TBC1D14: variants seen among roughly 807,000 people sequenced by gnomAD.
TBC1D14 encodes the protein TBC1 domain family, member 14.
Under a neutral mutation model 79.0 loss-of-function variants are expected in TBC1D14, and 26 were observed. The ratio of observed to expected loss-of-function variants is 0.33; its 90% CI spans 0.24 to 0.46. TBC1D14 has a LOEUF of 0.46. Among genes scored for constraint, TBC1D14 ranks in the 20% least tolerant of loss-of-function variants. The probability of loss-of-function intolerance (pLI) is 1.00; values close to 1 mark genes in which losing one functional copy is unlikely to be tolerated. For missense variants in TBC1D14, 769 were observed against 887.6 expected (o/e 0.87, Z 1.70); for synonymous variants, 394 against 349.9 (o/e 1.13, Z -1.40).
At chr4:6,945,367 A>G (rs1156294341) in intron 2 of TBC1D14, among the ~76,000 whole-genome samples, 1 of 152,122 alleles carries the variant, frequency 6.6e-6, no homozygotes, top group Non-Finnish European at 1.5e-5. Flanking sequence ...GAGTGAGTAG[A>G]AATGTTGGCG....
intron 3 of TBC1D14, among the ~76,000 whole-genome samples, chr4:6,987,782 A>G (rs763211172): frequency 2.0e-5 from 3 of 152,296 alleles, no homozygotes; most frequent in Admixed American, 6.5e-5. Flanking sequence ...CTAGAGCCCA[A>G]TGAGGTGGTC....
intron 3 of TBC1D14, chr4:6,987,264 G>T: frequency 7.7e-7 from 1 of 1,299,548 alleles, no homozygotes. Flanking sequence ...CCCGCCCGCG[G>T]TCCGGGAGGG....
At chr4:7,007,685 C>T (rs919093016) in intron 9 of TBC1D14, 2 of 1,091,254 alleles carry the variant, frequency 1.8e-6, no homozygotes, top group African/African-American at 3.3e-5. Flanking sequence ...TAGCTGGGAG[C>T]CTGTTTCCTG....
intron 2 of TBC1D14, among the ~76,000 whole-genome samples, chr4:6,955,242 A>G (rs1714515822): frequency 6.6e-6 from 1 of 152,180 alleles, no homozygotes; most frequent in Non-Finnish European, 1.5e-5. Context: ...TGGGGGGTGG[A>G]GATCTGGAAA....
intron 3 of TBC1D14, 125 bp downstream of exon 3, chr4:6,967,549 G>C: frequency 8.0e-7 from 1 of 1,248,278 alleles, no homozygotes; most frequent in Non-Finnish European, 1.1e-6. Flanking sequence ...TGCATACCAC[G>C]TTCCTCAGAT....
chr4:7,028,016 AC>A (rs1239862632), intron 13 of TBC1D14, among the ~76,000 whole-genome samples: 1 of 114,032 alleles, frequency 8.8e-6, no homozygotes, highest in Non-Finnish European at 1.7e-5. Context: ...CCCCACACAC[AC>A]CCACACATAC....
Position 7,004,930 on chromosome 4 carries a change from A to G in TBC1D14, c.1351+6A>G, listed in dbSNP as rs1720026183. On this transcript the variant is annotated splice_donor_region_variant and intron_variant, in intron 8 of 13. Coordinates refer to ENST00000409757, the MANE Select transcript of TBC1D14 (RefSeq NM_020773.3). ...CTCTGAAGTGGAGAACGAAGGTAGA[A>G]TGTCTTCTAAAACCAGCGGACTGCT... is the stretch of plus-strand genomic sequence containing the variant. 6.2e-7 allele frequency: 1 copy of G among 1,613,796 alleles called. No homozygotes were observed. The highest frequency in any genetic ancestry group is 1.1e-5 in the South Asian group (1 of 91,066).
chr4:6,969,922 C>T (rs1388591486), intron 3 of TBC1D14, among the ~76,000 whole-genome samples: 1 of 152,162 alleles, frequency 6.6e-6, no homozygotes, highest in East Asian at 1.9e-4. Context: ...GTCTCTGGCC[C>T]TCTCATCGCT....
intron 2 of TBC1D14, among the ~76,000 whole-genome samples, chr4:6,952,519 G>A (rs1252260088): frequency 2.0e-5 from 3 of 152,204 alleles, no homozygotes; most frequent in African/African-American, 2.4e-5. Context: ...TGATTGTCCA[G>A]GGTTTTTTAA....
At chr4:6,956,232 G>A (rs974121754) in intron 2 of TBC1D14, among the ~76,000 whole-genome samples, 5 of 152,130 alleles carry the variant, frequency 3.3e-5, no homozygotes, top group African/African-American at 1.2e-4. Context: ...CTGCGCCTGC[G>A]AACAGATGAT....
chr4:6,932,118 G>A (rs555484896), intron 2 of TBC1D14, among the ~76,000 whole-genome samples: 2 of 152,184 alleles, frequency 1.3e-5, no homozygotes, highest in East Asian at 1.9e-4. Flanking sequence ...CCAGCACTTC[G>A]GGAGACCAAG....
chr4:6,939,407 C>G (rs749762007), intron 2 of TBC1D14, among the ~76,000 whole-genome samples: 7 of 151,858 alleles, frequency 4.6e-5, no homozygotes, highest in Non-Finnish European at 1.0e-4. Context: ...CAATGCCACC[C>G]GACCAGGTCC....
At chr4:6,948,987 A>T (rs548692092) in intron 2 of TBC1D14, among the ~76,000 whole-genome samples, 1 of 148,426 alleles carries the variant, frequency 6.7e-6, no homozygotes, top group African/African-American at 2.5e-5. Flanking sequence ...CACCTGGCCA[A>T]CATGGTGAAA....
intron 6 of TBC1D14, among the ~76,000 whole-genome samples, chr4:7,000,334 C>T (rs1719531315): frequency 2.6e-5 from 4 of 152,190 alleles, no homozygotes; most frequent in African/African-American, 7.2e-5. Flanking sequence ...CACTGTTCTC[C>T]GTGCTTTTGT....
intron 2 of TBC1D14, among the ~76,000 whole-genome samples, chr4:6,941,517 G>A (rs1209419917): frequency 2.0e-5 from 3 of 152,142 alleles, no homozygotes; most frequent in Admixed American, 2.0e-4. Flanking sequence ...ACCACTTTAT[G>A]TTGCTCCTGA....
intron 12 of TBC1D14, among the ~76,000 whole-genome samples, chr4:7,014,934 C>G (rs1180102792): frequency 6.6e-6 from 1 of 152,196 alleles, no homozygotes; most frequent in South Asian, 2.1e-4. Context: ...ACACTGTCCA[C>G]GTGAGATGAG....
chr4:6,981,848 A>G (rs1336787444), intron 3 of TBC1D14, among the ~76,000 whole-genome samples: 3 of 152,232 alleles, frequency 2.0e-5, no homozygotes, highest in Admixed American at 6.5e-5. Flanking sequence ...CTCAGCAAAG[A>G]AGAAATGGAA....
At chr4:6,944,835 C>T (rs78910900) in intron 2 of TBC1D14, among the ~76,000 whole-genome samples, 1 of 152,232 alleles carries the variant, frequency 6.6e-6, no homozygotes, top group South Asian at 2.1e-4. Context: ...GGAACCTTCT[C>T]ACTATCCCCG....
At chr4:6,994,976 A>G (rs1460088514) in intron 4 of TBC1D14, among the ~76,000 whole-genome samples, 2 of 151,998 alleles carry the variant, frequency 1.3e-5, no homozygotes, top group Non-Finnish European at 2.9e-5. Context: ...TCAGGAAAAG[A>G]CTCTGGCCTT....
Sources: allele counts gnomAD v4.1 joint callset (sites outside exome capture counted in the v4.1 genomes callset), GRCh38; gene constraint gnomAD v4.1.1; transcripts MANE v1.5; gene names NCBI Gene and HGNC (gene_info 2026-07-23, HGNC 2026-07-21).